Variants in NKAIN3 observed in about 807,000 individuals in gnomAD.
The protein encoded by NKAIN3 is sodium/potassium-transporting ATPase subunit beta-1-interacting protein 3.
In NKAIN3, 25 loss-of-function variants were observed where a neutral mutation model predicts 30.2. The observed-to-expected ratio is 0.83, with a 90% CI of 0.60 to 1.16. NKAIN3 has a LOEUF of 1.16. Ranked by LOEUF, NKAIN3 falls within the 50% of genes most tolerant of loss-of-function variation. The pLI, the probability that NKAIN3 is intolerant of heterozygous loss-of-function variation, is 0.00. For missense variants in NKAIN3, 225 were observed against 254.1 expected (o/e 0.89, Z 0.78); for synonymous variants, 91 against 89.6 (o/e 1.02, Z -0.09).
chr8:62,915,735 T>C (rs1470874414), intron 4 of NKAIN3, among the ~76,000 whole-genome samples: 3 of 151,872 alleles, frequency 2.0e-5, no homozygotes, highest in African/African-American at 4.8e-5. Flanking sequence ...CCTTCTAACA[T>C]ATGGTTTAGT....
At chr8:62,947,210 A>G (rs12679222) in intron 5 of NKAIN3, among the ~76,000 whole-genome samples, 119,740 of 152,112 alleles carry the variant, frequency 0.79, 48,132 homozygotes, top group East Asian at 0.98. Context: ...GATAATAAGA[A>G]TGATGACTAA....
At chr8:62,815,031 G>A (rs937059168) in intron 4 of NKAIN3, among the ~76,000 whole-genome samples, 5 of 152,038 alleles carry the variant, frequency 3.3e-5, no homozygotes. Context: ...AAATGATAAA[G>A]GGGATATCAC....
intron 3 of NKAIN3, among the ~76,000 whole-genome samples, chr8:62,595,385 T>TTC (rs1379962920): frequency 8.6e-5 from 10 of 116,088 alleles, no homozygotes; most frequent in East Asian, 2.3e-4. Context: ...CTATTTTCTT[T>TTC]TTTTTTTTTT....
chr8:62,684,827 G>A (rs562539058), intron 3 of NKAIN3, among the ~76,000 whole-genome samples: 4 of 152,298 alleles, frequency 2.6e-5, no homozygotes, highest in African/African-American at 9.6e-5. Context: ...TGTGCAGAAG[G>A]AAGACCATAT....
chr8:62,250,629 A>G (rs1352783414), intron 1 of NKAIN3, among the ~76,000 whole-genome samples: 1 of 152,188 alleles, frequency 6.6e-6, no homozygotes, highest in African/African-American at 2.4e-5. Flanking sequence ...TATAATGCCT[A>G]ATTTCTATTT....
rs902013868 is a variant in NKAIN3, at chr8:62,959,157, T to C, written c.603+5185T>C. On this transcript the variant is annotated intron_variant, in intron 6 of 6. Transcript: ENST00000623646. Reference sequence around the variant, plus strand: ...TTGAGTGGCTGCTATTGCAACTAGGTACTAGAAGACAGCCAAGGCCAATCC... The same window carrying C: ...TTGAGTGGCTGCTATTGCAACTAGGCACTAGAAGACAGCCAAGGCCAATCC... Among the ~76,000 whole-genome samples, 20 of 152,256 alleles carry C rather than the reference T, an allele frequency of 1.3e-4. No individual in the cohort carries two copies. In the East Asian group the frequency reaches 3.7e-3, roughly 28 times the overall value.
chr8:62,467,485 A>C (rs1222147676), intron 1 of NKAIN3, among the ~76,000 whole-genome samples: 1 of 152,228 alleles, frequency 6.6e-6, no homozygotes, highest in African/African-American at 2.4e-5. Flanking sequence ...TTGACAAAAA[A>C]TATAATTGGC....
At chr8:62,697,600 C>G (rs557621360) in intron 3 of NKAIN3, among the ~76,000 whole-genome samples, 4 of 152,226 alleles carry the variant, frequency 2.6e-5, no homozygotes, top group South Asian at 2.1e-4. Flanking sequence ...TCCCCTCCCC[C>G]CAACATCTAG....
At chr8:62,329,664 A>G (rs777815356) in intron 1 of NKAIN3, among the ~76,000 whole-genome samples, 1 of 152,116 alleles carries the variant, frequency 6.6e-6, no homozygotes, top group Non-Finnish European at 1.5e-5. Context: ...TGCAAAGGGC[A>G]TGATTTTGTT....
intron 4 of NKAIN3, among the ~76,000 whole-genome samples, chr8:62,917,490 A>T (rs1247006602): frequency 2.0e-5 from 3 of 152,166 alleles, no homozygotes; most frequent in Non-Finnish European, 4.4e-5. Flanking sequence ...CAGTCCAGAG[A>T]TGGATGACAA....
chr8:62,876,794 TACACCAGGGC>T (rs1820808336), intron 4 of NKAIN3, among the ~76,000 whole-genome samples: 1 of 151,472 alleles, frequency 6.6e-6, no homozygotes, highest in South Asian at 2.1e-4. Flanking sequence ...AGGGTAACAA[TACACCAGGGC>T]CTATTGAGGG....
chr8:62,569,494 G>T (rs565483327), intron 1 of NKAIN3, among the ~76,000 whole-genome samples: 1 of 152,242 alleles, frequency 6.6e-6, no homozygotes, highest in African/African-American at 2.4e-5. Flanking sequence ...GACTACTTCA[G>T]GCTGGGCACA....
chr8:62,407,410 T>TC (rs1804107412), intron 1 of NKAIN3, among the ~76,000 whole-genome samples: 3 of 30,878 alleles, frequency 9.7e-5, no homozygotes, highest in Admixed American at 1.1e-3. Context: ...TGTTTTTTTT[T>TC]TTTTTTTTTG....
intron 6 of NKAIN3, among the ~76,000 whole-genome samples, chr8:62,963,392 C>T (rs1019620074): frequency 2.0e-5 from 3 of 152,160 alleles, no homozygotes; most frequent in African/African-American, 2.4e-5. Context: ...TGTTTCACTG[C>T]TTCACCAATC....
intron 4 of NKAIN3, among the ~76,000 whole-genome samples, chr8:62,791,169 C>A (rs1817692339): frequency 6.6e-6 from 1 of 152,020 alleles, no homozygotes; most frequent in Non-Finnish European, 1.5e-5. Context: ...AATACAGTTT[C>A]CACCCGTTTA....
chr8:62,950,568 A>G (rs977252468), intron 5 of NKAIN3, among the ~76,000 whole-genome samples: 2 of 152,190 alleles, frequency 1.3e-5, no homozygotes, highest in African/African-American at 2.4e-5. Flanking sequence ...AGTTTACAAC[A>G]TTTACATCAT....
intron 1 of NKAIN3, among the ~76,000 whole-genome samples, chr8:62,321,597 C>T (rs1814913245): frequency 6.6e-6 from 1 of 152,240 alleles, no homozygotes; most frequent in Non-Finnish European, 1.5e-5. Flanking sequence ...AAGTCCACTC[C>T]AGACCCTGTT....
Position 62,843,510 on chromosome 8 carries a change from T to C in NKAIN3, c.472-74943T>C, listed in dbSNP as rs111608459. Reference sequence around the variant, plus strand: ...TGCCACCACACCTAGCTGATTTTTATATTTTTAGTAAAGACGGTTTCACCA... The same window carrying C: ...TGCCACCACACCTAGCTGATTTTTACATTTTTAGTAAAGACGGTTTCACCA... On this transcript the variant is annotated intron_variant, in intron 4 of 6. Coordinates refer to ENST00000623646, the MANE Select transcript of NKAIN3 (RefSeq NM_001304533.3). Among the ~76,000 whole-genome samples, 543 of 151,884 alleles carry C rather than the reference T, an allele frequency of 3.6e-3. 5 individuals carry two copies. Among genetic ancestry groups the C allele is most frequent in the African/African-American group, 0.011 (461 of 41,446 alleles).
At chr8:62,922,349 C>A (rs766242308) in intron 5 of NKAIN3, among the ~76,000 whole-genome samples, 1 of 152,020 alleles carries the variant, frequency 6.6e-6, no homozygotes, top group African/African-American at 2.4e-5. Context: ...GAGCTGAAAA[C>A]TTTTTAAAAT....
Sources: gnomAD v4.1 joint callset for allele counts (sites outside exome capture counted in the v4.1 genomes callset) on GRCh38, gnomAD v4.1.1 for gene constraint, MANE v1.5 for transcripts, NCBI Gene and HGNC (gene_info 2026-07-23, HGNC 2026-07-21) for gene names.